DCLRE1B: variants seen among roughly 807,000 people sequenced by gnomAD.
DCLRE1B encodes DNA cross-link repair 1B.
DCLRE1B carries 6 observed loss-of-function variants against 19.8 expected under a neutral mutation model. The ratio of observed to expected loss-of-function variants is 0.30; its 90% CI spans 0.17 to 0.60. The LOEUF (loss-of-function observed/expected upper bound fraction) is 0.60. Ranked by LOEUF, DCLRE1B falls within the 20% of genes least tolerant of loss-of-function variation. The probability of loss-of-function intolerance (pLI) is 0.87; values close to 1 mark genes in which losing one functional copy is unlikely to be tolerated. For synonymous variants in DCLRE1B, 258 were observed against 255.7 expected (o/e 1.01, Z -0.09); for missense variants, 622 against 654.2 (o/e 0.95, Z 0.54).
intron 1 of DCLRE1B, 148 bp from the exon 2 acceptor site, chr1:113,906,848 A>G (rs992926860): frequency 1.3e-6 from 1 of 795,766 alleles, no homozygotes; most frequent in Non-Finnish European, 2.0e-6. Context: ...GAGGAAGGGC[A>G]GATTGCTTGG....
chr1:113,907,205 T>G (rs758609036), intron 2 of DCLRE1B, 44 bp downstream of exon 2: 17 of 420,784 alleles, frequency 4.0e-5, no homozygotes, highest in South Asian at 7.1e-5. Flanking sequence ...AGACTAGATG[T>G]TTTTTTTTTT....
Position 113,905,464 on chromosome 1 carries a change from C to T in DCLRE1B, c.-123C>T. The T allele has an allele frequency of 1.0e-6, 1 of 985,284 alleles. No individual in the cohort carries two copies. The highest frequency in any genetic ancestry group is 1.5e-5 in the South Asian group (1 of 67,782). 61.0% of individuals were successfully genotyped at this position (985,284 alleles called of 1,614,324 possible). ...CTTATTGCTCTGCTGGGCTCTTTCC[C>T]TTAGGGTCTCTGGCCCTGTTCTTGC... On this transcript the variant is annotated 5_prime_UTR_variant, in exon 1 of 4. Transcript: ENST00000650450.
chr1:113,907,064 A>C lies in DCLRE1B; in HGVS notation c.258A>C (p.Gly86=). 6.2e-7 allele frequency: 1 copy of C among 1,614,036 alleles called. No homozygotes were observed. ...ESHVLPLDEI[G]QETMTVTLLD... ...ATGTATTACCCCTAGATGAAATTGGACAAGAGACCATGACCGTAACCCTCC... is the reference window on the plus strand; with the variant it reads ...ATGTATTACCCCTAGATGAAATTGGCCAAGAGACCATGACCGTAACCCTCC... Residue 86 remains glycine (G), a synonymous_variant, in exon 2 of 4, where the codon GGA becomes GGC. Coordinates refer to ENST00000650450, the MANE Select transcript of DCLRE1B (RefSeq NM_022836.4).
chr1:113,905,031 C>T (rs1411049209), upstream of DCLRE1B: 2 of 414,338 alleles, frequency 4.8e-6, no homozygotes, highest in South Asian at 2.1e-5. Context: ...GTCCGACTGA[C>T]CGCAGACCCC....
At chr1:113,905,830 T>G in intron 1 of DCLRE1B, 55 bp downstream of exon 1, 1 of 1,538,854 alleles carries the variant, frequency 6.5e-7, no homozygotes, top group Non-Finnish European at 8.8e-7. Flanking sequence ...GGTTGGGACT[T>G]CAACCTGTCA....
Position 113,911,203 on chromosome 1 carries a change from G to A in DCLRE1B, c.611G>A (p.Ser204Asn). The change falls in exon 4 of 4, where the codon AGT (serine) becomes AAT (asparagine). Residue 204 changes from serine to asparagine, a missense_variant. Transcript: ENST00000650450. ...GAGTTTCAGACCTGGGTGGTATTGA[G>A]TCCTCGGCGCCTGGAGTTGGTACAG... Reference protein sequence around the residue: ...ALEFQTWVVLSPRRLELVQLL... With the variant: ...ALEFQTWVVLNPRRLELVQLL... 6.2e-7 allele frequency: 1 copy of A among 1,614,174 alleles called. No individual in the cohort carries two copies. Among genetic ancestry groups the A allele is most frequent in the Non-Finnish European group, 8.5e-7 (1 of 1,180,038 alleles).
rs541968025 is a variant in DCLRE1B at position 113,905,446 on chromosome 1, C to T, written c.-141C>T. On this transcript the variant is annotated 5_prime_UTR_variant, in exon 1 of 4. Transcript: ENST00000650450. ...TTCTGCCCACTCTGGTAACTTATTG[C>T]TCTGCTGGGCTCTTTCCCTTAGGGT... 1.8e-5 allele frequency: 15 copies of T among 810,962 alleles called. No individual in the cohort carries two copies. In the East Asian group the frequency reaches 3.8e-4, roughly 21 times the overall value. The allele number at this position is 810,962 out of a possible 1,614,324, so 50.2% of individuals were successfully genotyped here.
rs1668860337 is a variant in DCLRE1B at position 113,905,457 on chromosome 1, T to C, written c.-130T>C. ...CTGGTAACTTATTGCTCTGCTGGGC[T>C]CTTTCCCTTAGGGTCTCTGGCCCTG... On this transcript the variant is annotated 5_prime_UTR_variant, in exon 1 of 4. Transcript: ENST00000650450. The C allele has an allele frequency of 7.8e-6, 7 of 897,292 alleles. No individual in the cohort carries two copies. Among genetic ancestry groups the C allele is most frequent in the Non-Finnish European group, 1.2e-5 (7 of 579,050 alleles). 55.6% of individuals were successfully genotyped at this position (897,292 alleles called of 1,614,324 possible).
Position 113,912,088 on chromosome 1 carries a change from G to A in DCLRE1B, c.1496G>A (p.Gly499Asp). 2 of 1,614,198 alleles carry A rather than the reference G, an allele frequency of 1.2e-6. No homozygotes were observed. The highest frequency in any genetic ancestry group is 1.7e-6 in the Non-Finnish European group (2 of 1,180,022). ...CCTCTTCTAGCTACTGAATTCAGGG[G>A]TCTAGCACTCAAATATCTTCTGACT... ...GTPLLATEFRGLALKYLLTPV... is the reference protein window; with the variant it reads ...GTPLLATEFRDLALKYLLTPV... The change falls in exon 4 of 4, where the codon GGT (glycine) becomes GAT (aspartate). Residue 499 changes from glycine to aspartate, a missense_variant. By Grantham distance (94) the Gly-to-Asp change is moderately conservative (BLOSUM62 -1). Around this residue, in one of 3 missense-constraint regions of DCLRE1B, gnomAD observed 382 missense variants for 412.5 expected, o/e 0.93. Transcript: ENST00000650450.
chr1:113,907,861 C>G (rs1669097004), intron 2 of DCLRE1B, 148 bp from the exon 3 acceptor site: 13 of 785,778 alleles, frequency 1.7e-5, no homozygotes, highest in Non-Finnish European at 2.6e-5. Flanking sequence ...AGAAACCATG[C>G]AGCTATACTG....
rs144640614 is a variant in DCLRE1B at position 113,907,085 on chromosome 1, C to T, written c.279C>T (p.Thr93=). ...DEIGQETMTV[T]LLDANHCPGS... ...TTGGACAAGAGACCATGACCGTAAC[C>T]CTCCTCGATGCCAATCACTGTCCTG... Residue 93 remains threonine, a synonymous_variant, in exon 2 of 4, where the codon ACC becomes ACT. Transcript: ENST00000650450. The T allele has an allele frequency of 6.8e-4, 1,099 of 1,614,022 alleles. 1 individual carries two copies. The highest frequency in any genetic ancestry group is 9.5e-4 in the Admixed American group (57 of 60,008).
In DCLRE1B at chr1:113,913,974, AT is replaced by A. The variant is rs1412055178; in HGVS notation, c.*1786del. 2.0e-4 allele frequency: 30 copies of A among 152,320 alleles called. No homozygotes were observed. Among genetic ancestry groups the A allele is most frequent in the African/African-American group, 6.5e-4 (27 of 41,576 alleles). The allele number at this position is 152,320 out of a possible 1,614,324, so 9.4% of individuals were successfully genotyped here. On this transcript the variant is annotated 3_prime_UTR_variant, in exon 4 of 4. Coordinates refer to ENST00000650450, the MANE Select transcript of DCLRE1B (RefSeq NM_022836.4). ...ATTGTTCAAAAATGCCATTTTTAAT[AT>A]TTGTATAATACCCTATCATGTGAGT...
At chr1:113,905,239 A>T (rs1668838031), upstream of DCLRE1B, 3 of 350,894 alleles carry the variant, frequency 8.5e-6, no homozygotes, top group East Asian at 2.1e-4. Flanking sequence ...CTCACTCTCC[A>T]GGCGCAGCTG....
intron 1 of DCLRE1B, among the ~76,000 whole-genome samples, chr1:113,905,994 G>GAAACTATT (rs1668921180): frequency 6.7e-6 from 1 of 149,982 alleles, no homozygotes; most frequent in Non-Finnish European, 1.5e-5. Flanking sequence ...TCCAGCCAAG[G>GAAACTATT]AAACTATTCC....
chr1:113,910,939 G>A (rs1345180770), intron 3 of DCLRE1B, among the ~76,000 whole-genome samples, 192 bp from the exon 4 acceptor site: 1 of 152,206 alleles, frequency 6.6e-6, no homozygotes, highest in Non-Finnish European at 1.5e-5. Context: ...TGAACTAAAT[G>A]AATGAGTGGA....
At position 113,913,879 on chromosome 1, in the gene DCLRE1B, G is replaced by T. The variant is rs891753531; in HGVS notation, c.*1688G>T. 7.2e-5 allele frequency: 11 copies of T among 151,952 alleles called. No homozygotes were observed. The highest frequency in any genetic ancestry group is 2.7e-4 in the African/African-American group (11 of 41,380). 9.4% of individuals were successfully genotyped at this position (151,952 alleles called of 1,614,324 possible). A position where few individuals can be genotyped will look rare whatever the true frequency, so the allele number is the denominator to read the frequency against. On this transcript the variant is annotated 3_prime_UTR_variant, in exon 4 of 4. Coordinates refer to ENST00000650450, the MANE Select transcript of DCLRE1B (RefSeq NM_022836.4). ...TATGTAAATGTTTTTCAAAGTTGAG[G>T]TAATATTGTATAGAATTTTATAGCC...
At position 113,907,997 on chromosome 1, in the gene DCLRE1B, A is replaced by G. The variant is rs764239122; in HGVS notation, c.356-12A>G. On this transcript the variant is annotated splice_polypyrimidine_tract_variant and intron_variant, in intron 2 of 3. Transcript: ENST00000650450. ...TCTCTGACCTTCTGCCCCCATGTAC[A>G]TATTCCTCCAGGTGATTTTCGATAC... 1.2e-6 allele frequency: 2 copies of G among 1,611,104 alleles called. No individual in the cohort carries two copies. Among genetic ancestry groups the G allele is most frequent in the Non-Finnish European group, 1.7e-6 (2 of 1,178,504 alleles).
chr1:113,904,853 G>A (rs1470054989), upstream of DCLRE1B: 2 of 792,044 alleles, frequency 2.5e-6, no homozygotes, highest in African/African-American at 3.4e-5. Flanking sequence ...CCTCAGGCTC[G>A]GCTTCCGTAG....
In DCLRE1B at chr1:113,905,719, G is replaced by A. The variant is rs1273912000; in HGVS notation, c.133G>A (p.Ala45Thr). The A allele has an allele frequency of 1.2e-6, 2 of 1,614,002 alleles. No homozygotes were observed. Among genetic ancestry groups the A allele is most frequent in the Admixed American group, 3.3e-5 (2 of 59,990 alleles). ...CACCGTGGGCCTGTCTAGCACCTGG[G>A]CCCGGCCCCTCTACTGCTCCCCAAT... ...DHTVGLSSTW[A>T]RPLYCSPITA... The change falls in exon 1 of 4, where the codon GCC (alanine) becomes ACC (threonine). Residue 45 changes from alanine (A) to threonine (T), a missense_variant. By Grantham distance (58) the Ala-to-Thr change is moderately conservative (BLOSUM62 0). This residue lies in a region of DCLRE1B where 237 missense variants were observed against 223.8 expected (regional missense o/e 1.06). Coordinates refer to ENST00000650450, the MANE Select transcript of DCLRE1B (RefSeq NM_022836.4).
Sources: allele counts gnomAD v4.1 joint callset (sites outside exome capture counted in the v4.1 genomes callset), GRCh38; gene constraint gnomAD v4.1.1; regional missense constraint gnomAD v4.1.1; transcripts MANE v1.5; gene names NCBI Gene and HGNC (gene_info 2026-07-23, HGNC 2026-07-21).